FAM72A: variants seen among roughly 807,000 people sequenced by gnomAD.
FAM72A encodes regulator of UNG2 and MKLN1 interacting yippee protein 1.
A neutral mutation model predicts 11.3 loss-of-function variants in FAM72A; 1 was observed. The ratio of observed to expected loss-of-function variants is 0.09; its 90% CI spans 0.03 to 0.42. The LOEUF (loss-of-function observed/expected upper bound fraction) is 0.42, where lower values mean the gene tolerates loss of function less well. Ranked by LOEUF, FAM72A falls within the 10% of genes least tolerant of loss-of-function variation. The probability of loss-of-function intolerance (pLI) is 0.98; values close to 1 mark genes in which losing one functional copy is unlikely to be tolerated. For synonymous variants in FAM72A, 5 were observed against 46.9 expected, an observed-to-expected ratio of 0.11 and a Z score of 3.65; for missense variants, 15 against 135.5, an observed-to-expected ratio of 0.11 and a Z score of 4.41.
intron 3 of FAM72A, 139 bp from the exon 4 acceptor site, chr1:206,187,512 C>A: frequency 1.6e-6 from 1 of 622,554 alleles, no homozygotes; most frequent in Non-Finnish European, 2.9e-6. Flanking sequence ...GAAGAATGTA[C>A]TGCAAATAAA....
At chr1:206,191,977 C>T (rs1176292345) in intron 3 of FAM72A, among the ~76,000 whole-genome samples, 7 of 144,936 alleles carry the variant, frequency 4.8e-5, no homozygotes, top group African/African-American at 1.8e-4. Context: ...CTCAATTGTG[C>T]TTTAGTTTAT....
At chr1:206,189,454 A>C (rs1664684529) in intron 3 of FAM72A, among the ~76,000 whole-genome samples, 1 of 136,494 alleles carries the variant, frequency 7.3e-6, no homozygotes, top group African/African-American at 2.8e-5. Flanking sequence ...AGAAAACGCT[A>C]CCCCACCCCC....
upstream of FAM72A, chr1:206,203,579 G>C (rs560221056): frequency 1.7e-6 from 1 of 576,062 alleles, no homozygotes; most frequent in Non-Finnish European, 3.1e-6. Context: ...ACGGGTGGCG[G>C]GGAAGAGAGG....
At chr1:206,194,387 T>C (rs1487846095) in intron 3 of FAM72A, among the ~76,000 whole-genome samples, 4 of 152,048 alleles carry the variant, frequency 2.6e-5, no homozygotes, top group African/African-American at 9.7e-5. Context: ...AAACAAAGGA[T>C]TTAGAATATT....
Position 206,193,102 on chromosome 1 carries a change from G to A in FAM72A, c.355+2650C>T, listed in dbSNP as rs1222753660. 4.0e-5 allele frequency among the ~76,000 whole-genome samples: 6 copies of A among 150,998 alleles called. No homozygotes were observed. The East Asian group carries it at 1.2e-3, about 29-fold the overall frequency. ...CTAATTTTGTATTTTTAGTAGAGAC[G>A]GGGTTTCTCCATGTTGGTCAGGCTG... On this transcript the variant is annotated intron_variant, in intron 3 of 3. Transcript: ENST00000367128.
intron 2 of FAM72A, among the ~76,000 whole-genome samples, chr1:206,198,235 G>A (rs1373914348): frequency 6.8e-6 from 1 of 147,880 alleles, no homozygotes; most frequent in Non-Finnish European, 1.5e-5. Flanking sequence ...ATGGTGGTGC[G>A]TGCCTGTAGT....
chr1:206,203,746 G>C, upstream of FAM72A: 1 of 1,444,828 alleles, frequency 6.9e-7, no homozygotes, highest in South Asian at 1.4e-5. Flanking sequence ...GAGAGGGCGC[G>C]GATGCTGCTC....
intron 3 of FAM72A, among the ~76,000 whole-genome samples, chr1:206,189,546 G>A (rs1157963351): frequency 3.0e-5 from 4 of 131,928 alleles, no homozygotes; most frequent in South Asian, 2.3e-4. Flanking sequence ...AAGGAATTGC[G>A]AGGCAAAAAT....
At chr1:206,194,473 G>A (rs1400133765) in intron 3 of FAM72A, among the ~76,000 whole-genome samples, 1 of 151,930 alleles carries the variant, frequency 6.6e-6, no homozygotes, top group Non-Finnish European at 1.5e-5. Flanking sequence ...TCTACTATGT[G>A]TAAAATTCTA....
rs1449441223 is a variant in FAM72A, at chr1:206,190,571, T to C, written c.356-3198A>G. The stretch of plus-strand genomic sequence containing the variant: ...TAAGAATGCTAGTGTCAACTTAGAT[T>C]GTCAAGTTACTTAAAGTCAGCTGGC... On this transcript the variant is annotated intron_variant, in intron 3 of 3. Transcript: ENST00000367128. Among the ~76,000 whole-genome samples, 8 of 141,484 alleles carry C rather than the reference T, an allele frequency of 5.7e-5. No homozygotes were observed. In the East Asian group the frequency reaches 1.7e-3, roughly 29 times the overall value. 92.8% of individuals were successfully genotyped at this position (141,484 alleles called of 152,430 possible).
chr1:206,205,116 C>G (rs1464045715), upstream of FAM72A: 13 of 152,198 alleles, frequency 8.5e-5, no homozygotes, highest in African/African-American at 3.1e-4. Context: ...TCGGGCTGGC[C>G]GCTGCCCAGC....
intron 3 of FAM72A, among the ~76,000 whole-genome samples, chr1:206,191,723 T>A (rs1158416003): frequency 1.1e-4 from 12 of 110,058 alleles, no homozygotes; most frequent in South Asian, 2.6e-4. Flanking sequence ...ACTAAAATAT[T>A]ATTTTTTTTT....
Position 206,187,071 on chromosome 1 carries a change from A to G in FAM72A, c.*208T>C. 1 of 709,484 alleles carries G rather than the reference A, an allele frequency of 1.4e-6. No homozygotes were observed. The highest frequency in any genetic ancestry group is 2.2e-6 in the Non-Finnish European group (1 of 461,934). The allele number at this position is 709,484 out of a possible 1,614,324, so 43.9% of individuals were successfully genotyped here. On this transcript the variant is annotated 3_prime_UTR_variant, in exon 4 of 4. Transcript: ENST00000367128. ...TACACTGGGCAGAAAAAGGTCGGGG[A>G]GAGGAAGTAGAAGTAGAGGAAAAGC...
chr1:206,191,698 G>C (rs1307834052), intron 3 of FAM72A, among the ~76,000 whole-genome samples: 4 of 144,850 alleles, frequency 2.8e-5, no homozygotes, highest in African/African-American at 1.1e-4. Context: ...AAAAGAATTG[G>C]TAGTGTACTT....
chr1:206,193,938 GCC>G (rs1553298013), intron 3 of FAM72A, among the ~76,000 whole-genome samples: 3 of 146,876 alleles, frequency 2.0e-5, no homozygotes. Flanking sequence ...CTATTTGGCA[GCC>G]CATGGATCAA....
Position 206,187,166 on chromosome 1 carries a change from C to G in FAM72A, c.*113G>C. 9.3e-7 allele frequency: 1 copy of G among 1,077,812 alleles called. No individual in the cohort carries two copies. The highest frequency in any genetic ancestry group is 1.3e-6 in the Non-Finnish European group (1 of 776,426). 66.8% of individuals were successfully genotyped at this position (1,077,812 alleles called of 1,614,324 possible). A position where few individuals can be genotyped will look rare whatever the true frequency, so the allele number is the denominator to read the frequency against. ...CGGAAAATAAATAAATCAACAAATG[C>G]CCCATTTTTGTTTTCCAAAAAAGAT... On this transcript the variant is annotated 3_prime_UTR_variant, in exon 4 of 4. Coordinates refer to ENST00000367128, the MANE Select transcript of FAM72A (RefSeq NM_001123168.3).
chr1:206,193,707 T>C (rs1553297949), intron 3 of FAM72A, among the ~76,000 whole-genome samples: 1 of 151,976 alleles, frequency 6.6e-6, no homozygotes, highest in African/African-American at 2.4e-5. Flanking sequence ...ATGCCAAATA[T>C]ACTTTGCCTG....
At chr1:206,197,092 G>A (rs1665105977) in intron 2 of FAM72A, among the ~76,000 whole-genome samples, 2 of 150,664 alleles carry the variant, frequency 1.3e-5, no homozygotes, top group African/African-American at 4.9e-5. Flanking sequence ...CCAGTTATTT[G>A]TAAGACTATA....
intron 3 of FAM72A, among the ~76,000 whole-genome samples, chr1:206,191,729 T>TA (rs1381541922): frequency 2.1e-5 from 3 of 142,716 alleles, no homozygotes; most frequent in Non-Finnish European, 4.6e-5. Flanking sequence ...ATATTATTTT[T>TA]TTTTTTTTTT....
Sources: gnomAD v4.1 joint callset for allele counts (sites outside exome capture counted in the v4.1 genomes callset) on GRCh38, gnomAD v4.1.1 for gene constraint, MANE v1.5 for transcripts, NCBI Gene and HGNC (gene_info 2026-07-23, HGNC 2026-07-21) for gene names.